GPC5: variants seen among roughly 807,000 people sequenced by gnomAD.
GPC5 encodes the protein glypican 5.
Under a neutral mutation model 53.9 loss-of-function variants are expected in GPC5, and 47 were observed. The ratio of observed to expected loss-of-function variants is 0.87; its 90% CI spans 0.69 to 1.11. The LOEUF is 1.11. GPC5 is among the 50% of genes most tolerant of loss of function. The pLI, the probability that GPC5 is intolerant of heterozygous loss-of-function variation, is 0.00. For missense variants in GPC5, 748 were observed against 713.1 expected, an observed-to-expected ratio of 1.05 and a Z score of -0.56; for synonymous variants, 286 against 263.3, an observed-to-expected ratio of 1.09 and a Z score of -0.84.
intron 2 of GPC5, among the ~76,000 whole-genome samples, chr13:91,561,315 C>T (rs73608357): frequency 0.26 from 39,864 of 151,952 alleles, 5,978 homozygotes; most frequent in African/African-American, 0.42. Context: ...AATGCAAGCC[C>T]CTGGAATTTC....
At chr13:91,566,433 G>T (rs1196813676) in intron 2 of GPC5, among the ~76,000 whole-genome samples, 1 of 152,106 alleles carries the variant, frequency 6.6e-6, no homozygotes, top group East Asian at 1.9e-4. Flanking sequence ...GCGTGGTGGT[G>T]CACGCCAGTA....
chr13:92,355,372 A>G (rs986023522), intron 7 of GPC5, among the ~76,000 whole-genome samples: 8 of 152,018 alleles, frequency 5.3e-5, no homozygotes, highest in African/African-American at 1.9e-4. Flanking sequence ...TTAAAACCTA[A>G]GGACACTGCT....
rs1491582929 is a variant in GPC5, at chr13:92,347,890, ATT to A, written c.1561+202902_1561+202903del. ...TATATATATAATATATATTATATAT[ATT>A]ATATATATAATATATATATAATATA... On this transcript the variant is annotated intron_variant, in intron 7 of 7. Coordinates refer to ENST00000377067, the MANE Select transcript of GPC5 (RefSeq NM_004466.6). 1.3e-3 allele frequency among the ~76,000 whole-genome samples: 24 copies of A among 17,880 alleles called. 2 individuals carry two copies. Among genetic ancestry groups the A allele is most frequent in the African/African-American group, 9.4e-3 (17 of 1,804 alleles). 11.7% of individuals were successfully genotyped at this position (17,880 alleles called of 152,430 possible). A position where few individuals can be genotyped will look rare whatever the true frequency, so the allele number is the denominator to read the frequency against.
chr13:92,141,630 A>T (rs1049512416), intron 6 of GPC5, among the ~76,000 whole-genome samples: 1 of 152,156 alleles, frequency 6.6e-6, no homozygotes, highest in Non-Finnish European at 1.5e-5. Flanking sequence ...CCTGCATAGC[A>T]AATTACTACA....
intron 3 of GPC5, among the ~76,000 whole-genome samples, chr13:91,696,562 C>T (rs562396985): frequency 6.6e-6 from 1 of 152,098 alleles, no homozygotes; most frequent in African/African-American, 2.4e-5. Flanking sequence ...ACTGGAAAGC[C>T]AGCAAATAAT....
rs2035803774 is a variant in GPC5, at chr13:91,693,434, A to G, written c.573A>G (p.Ser191=). 2.5e-6 allele frequency: 4 copies of G among 1,614,172 alleles called. No individual in the cohort carries two copies. The East Asian group carries it at 8.9e-5, about 36-fold the overall frequency. ...PGVTDSSLEY[S]ECIRMARRDV... is the part of the protein sequence containing the mutation. ...TGACTGACAGTTCCCTGGAATACTCAGAATGCATCCGGATGGCTCGCCGGG... is the reference window on the plus strand; with the variant it reads ...TGACTGACAGTTCCCTGGAATACTCGGAATGCATCCGGATGGCTCGCCGGG... The change falls in exon 3 of 8, where the codon TCA becomes TCG. Residue 191 remains serine, a synonymous_variant. Transcript: ENST00000377067.
At chr13:92,031,083 T>C (rs1238093362) in intron 6 of GPC5, among the ~76,000 whole-genome samples, 2 of 152,154 alleles carry the variant, frequency 1.3e-5, no homozygotes, top group East Asian at 3.9e-4. Context: ...TTCTCTTGGC[T>C]TCTATAACAC....
At chr13:91,726,066 A>T (rs56108066) in intron 3 of GPC5, among the ~76,000 whole-genome samples, 26,695 of 152,090 alleles carry the variant, frequency 0.18, 2,570 homozygotes, top group East Asian at 0.34. Context: ...ATGAACATAC[A>T]GCGAACATAC....
intron 6 of GPC5, among the ~76,000 whole-genome samples, chr13:92,064,763 A>AC (rs1566419723): frequency 3.0e-5 from 3 of 98,996 alleles, no homozygotes; most frequent in Non-Finnish European, 4.5e-5. Flanking sequence ...TCTCAAAAAA[A>AC]AAAAACAAAA....
intron 2 of GPC5, among the ~76,000 whole-genome samples, chr13:91,600,982 T>C (rs1414707): frequency 0.012 from 1,802 of 152,306 alleles, 29 homozygotes; most frequent in African/African-American, 0.042. Flanking sequence ...CTATAATAAT[T>C]ACAGCATTTT....
At position 92,100,263 on chromosome 13, in the gene GPC5, C is replaced by T. The variant is rs577048700; in HGVS notation, c.1402-44567C>T. ...CCTAAAAATACAAAAATTAGCCAGGCGTGGTGGCAGGTGCCCATAATCCCA... is the reference window on the plus strand; with the variant it reads ...CCTAAAAATACAAAAATTAGCCAGGTGTGGTGGCAGGTGCCCATAATCCCA... On this transcript the variant is annotated intron_variant, in intron 6 of 7. Transcript: ENST00000377067. Among the ~76,000 whole-genome samples, 8 of 152,066 alleles carry T rather than the reference C, an allele frequency of 5.3e-5. No homozygotes were observed. In the East Asian group the frequency reaches 1.2e-3, roughly 22 times the overall value.
At chr13:92,414,323 G>C (rs1351130647) in intron 7 of GPC5, among the ~76,000 whole-genome samples, 1 of 151,898 alleles carries the variant, frequency 6.6e-6, no homozygotes, top group African/African-American at 2.4e-5. Flanking sequence ...TGGCCAACAT[G>C]GTGAAACCCC....
At chr13:92,374,777 G>A (rs111296510) in intron 7 of GPC5, among the ~76,000 whole-genome samples, 11 of 145,738 alleles carry the variant, frequency 7.5e-5, no homozygotes, top group South Asian at 6.5e-4. Flanking sequence ...TGGGTGCAGC[G>A]CACCAGCATG....
chr13:92,088,979 A>G (rs1434299358), intron 6 of GPC5, among the ~76,000 whole-genome samples: 1 of 152,232 alleles, frequency 6.6e-6, no homozygotes, highest in Non-Finnish European at 1.5e-5. Context: ...TGCCACCATT[A>G]CATTACTTAG....
chr13:91,825,850 C>G (rs903380541), intron 5 of GPC5, among the ~76,000 whole-genome samples: 4 of 152,008 alleles, frequency 2.6e-5, no homozygotes, highest in African/African-American at 9.7e-5. Flanking sequence ...AGGGAAGAAG[C>G]CTCAACTCTG....
In GPC5 at chr13:92,866,831, A is replaced by G. The variant is rs1341703452; in HGVS notation, c.*392A>G. Reference sequence around the variant, plus strand: ...GTATTTGCCAGACAATGAAAACAGTATGCAGTATTTCTTAAAGTATTGAAA... The same window carrying G: ...GTATTTGCCAGACAATGAAAACAGTGTGCAGTATTTCTTAAAGTATTGAAA... On this transcript the variant is annotated 3_prime_UTR_variant, in exon 8 of 8. Coordinates refer to ENST00000377067, the MANE Select transcript of GPC5 (RefSeq NM_004466.6). 1 of 154,708 alleles carries G rather than the reference A, an allele frequency of 6.5e-6. No individual in the cohort carries two copies. Among genetic ancestry groups the G allele is most frequent in the Non-Finnish European group, 1.4e-5 (1 of 69,876 alleles). The allele number at this position is 154,708 out of a possible 1,614,324, so 9.6% of individuals were successfully genotyped here.
intron 7 of GPC5, among the ~76,000 whole-genome samples, chr13:92,399,573 C>A (rs1475405048): frequency 6.6e-6 from 1 of 152,070 alleles, no homozygotes; most frequent in African/African-American, 2.4e-5. Flanking sequence ...GACGCAGAGG[C>A]CTGTTGTTCC....
chr13:92,329,371 G>A (rs550151358), intron 7 of GPC5, among the ~76,000 whole-genome samples: 12 of 152,020 alleles, frequency 7.9e-5, no homozygotes, highest in African/African-American at 2.4e-4. Flanking sequence ...GGTCCCAGAC[G>A]TACAAACAAC....
intron 7 of GPC5, among the ~76,000 whole-genome samples, chr13:92,809,642 A>T (rs1020367494): frequency 2.0e-5 from 3 of 152,170 alleles, no homozygotes; most frequent in Non-Finnish European, 4.4e-5. Flanking sequence ...TTTGAAGTCA[A>T]TCTAAAATAT....
Sources: allele counts gnomAD v4.1 joint callset (sites outside exome capture counted in the v4.1 genomes callset), GRCh38; gene constraint gnomAD v4.1.1; transcripts MANE v1.5; gene names NCBI Gene and HGNC (gene_info 2026-07-23, HGNC 2026-07-21).